Variants in SLC26A8 observed in about 807,000 individuals in gnomAD.
SLC26A8 encodes the protein testis anion transporter 1.
SLC26A8 carries 70 observed loss-of-function variants against 105.0 expected under a neutral mutation model. That is an observed-to-expected ratio of 0.67 (90% CI 0.55 to 0.81). The LOEUF is 0.81. SLC26A8 is among the 40% of genes least tolerant of loss of function. The pLI, the probability that SLC26A8 is intolerant of heterozygous loss-of-function variation, is 0.00. For synonymous variants in SLC26A8, 415 were observed against 438.3 expected, an observed-to-expected ratio of 0.95 and a Z score of 0.66; for missense variants, 998 against 1,181.8, an observed-to-expected ratio of 0.84 and a Z score of 2.28.
chr6:36,000,822 A>G (rs917712471), intron 3 of SLC26A8, among the ~76,000 whole-genome samples: 4 of 152,226 alleles, frequency 2.6e-5, no homozygotes, highest in African/African-American at 9.6e-5. Flanking sequence ...TTTATAAGAC[A>G]TTTCAAACAC....
intron 2 of SLC26A8, 97 bp downstream of exon 2, chr6:36,019,422 AG>A: frequency 7.9e-7 from 1 of 1,263,730 alleles, no homozygotes; most frequent in Non-Finnish European, 1.1e-6. Context: ...TTCTGATTAC[AG>A]GAACTCAGAC....
At chr6:35,980,948 G>A (rs144186276) in intron 8 of SLC26A8, among the ~76,000 whole-genome samples, 15 of 152,152 alleles carry the variant, frequency 9.9e-5, no homozygotes, top group African/African-American at 2.9e-4. Context: ...GGAGGTGGAG[G>A]TTGCAGTGAG....
rs567151093 is a variant in SLC26A8, at chr6:36,007,696, T to C, written c.328+4537A>G. ...AACCTTAAAACTCACTGTCAAGATA[T>C]GGTATTGGTAAAGGGATAGACACAT... On this transcript the variant is annotated intron_variant, in intron 3 of 19. Transcript: ENST00000490799. Among the ~76,000 whole-genome samples the C allele has an allele frequency of 2.2e-3, 332 of 152,264 alleles. 2 individuals carry two copies. Among genetic ancestry groups the C allele is most frequent in the Admixed American group, 4.8e-3 (73 of 15,282 alleles).
At chr6:35,976,231 C>T (rs1029218310) in intron 9 of SLC26A8, among the ~76,000 whole-genome samples, 3 of 151,886 alleles carry the variant, frequency 2.0e-5, no homozygotes, top group Non-Finnish European at 2.9e-5. Flanking sequence ...CGAGACCAGT[C>T]TGGCCAACGT....
intron 3 of SLC26A8, among the ~76,000 whole-genome samples, chr6:36,003,236 T>C (rs917956008): frequency 3.9e-5 from 6 of 152,224 alleles, no homozygotes; most frequent in African/African-American, 1.4e-4. Flanking sequence ...TTTTTGTGTA[T>C]GGTGTGAGGT....
intron 19 of SLC26A8, 104 bp downstream of exon 19, chr6:35,951,059 A>G (rs1771848253): frequency 2.7e-6 from 3 of 1,131,344 alleles, no homozygotes. Flanking sequence ...TTATTCCTCT[A>G]TCTGATCAGG....
chr6:35,962,971 C>G (rs908193391), intron 11 of SLC26A8, among the ~76,000 whole-genome samples: 5 of 152,034 alleles, frequency 3.3e-5, no homozygotes, highest in Admixed American at 1.3e-4. Context: ...CTAATTTTGT[C>G]TCTACATTTT....
chr6:35,997,525 T>A (rs1355592647), intron 5 of SLC26A8, among the ~76,000 whole-genome samples: 2 of 152,138 alleles, frequency 1.3e-5, no homozygotes, highest in African/African-American at 4.8e-5. Context: ...ATGTTTAATA[T>A]CTCATCCTAA....
chr6:35,952,027 C>T (rs773026262), intron 17 of SLC26A8, among the ~76,000 whole-genome samples: 4 of 152,224 alleles, frequency 2.6e-5, no homozygotes, highest in East Asian at 1.9e-4. Context: ...AGAATCAGAC[C>T]GTGTCATGTG....
chr6:35,954,522 G>A (rs1771983237), intron 17 of SLC26A8, among the ~76,000 whole-genome samples: 1 of 152,188 alleles, frequency 6.6e-6, no homozygotes, highest in South Asian at 2.1e-4. Context: ...CTCCCAGGAT[G>A]TTCTGGGAGT....
Position 35,980,760 on chromosome 6 carries a change from C to G in SLC26A8, c.1025+1361G>C, listed in dbSNP as rs1399115129. 2.0e-5 allele frequency among the ~76,000 whole-genome samples: 3 copies of G among 152,162 alleles called. No homozygotes were observed. In the East Asian group the frequency reaches 5.8e-4, roughly 29 times the overall value. On this transcript the variant is annotated intron_variant, in intron 8 of 19. Coordinates refer to ENST00000490799, the MANE Select transcript of SLC26A8 (RefSeq NM_052961.4). ...GGGTGTGGTGACTCACGCCTGTAAT[C>G]CCAGCACTTTGGGAGGTGGAGGTGG...
Position 35,968,339 on chromosome 6 carries a change from T to C in SLC26A8, c.1365+538A>G, listed in dbSNP as rs558452063. On this transcript the variant is annotated intron_variant, in intron 11 of 19. Coordinates refer to ENST00000490799, the MANE Select transcript of SLC26A8 (RefSeq NM_052961.4). Reference sequence around the variant, plus strand: ...TTTGTATTTTTGGTAGAGATGAGGTTTCTCCATGTTGGCCAGGCGGGTCTT... The same window carrying C: ...TTTGTATTTTTGGTAGAGATGAGGTCTCTCCATGTTGGCCAGGCGGGTCTT... Among the ~76,000 whole-genome samples the C allele has an allele frequency of 2.8e-4, 43 of 151,202 alleles. No homozygotes were observed. The South Asian group carries it at 8.8e-3, about 31-fold the overall frequency.
chr6:35,947,845 T>G (rs1219781673), intron 19 of SLC26A8, among the ~76,000 whole-genome samples: 1 of 152,142 alleles, frequency 6.6e-6, no homozygotes, highest in Non-Finnish European at 1.5e-5. Flanking sequence ...GTTGGAGGAT[T>G]GCTTGAGCCT....
intron 10 of SLC26A8, among the ~76,000 whole-genome samples, chr6:35,974,782 G>T (rs1400607021): frequency 2.0e-5 from 3 of 152,164 alleles, no homozygotes; most frequent in Non-Finnish European, 1.5e-5. Flanking sequence ...TGCCACCCAG[G>T]CTGGAGTGCA....
At chr6:35,968,609 G>GTATATATATATATA (rs55987809) in intron 11 of SLC26A8, among the ~76,000 whole-genome samples, 2 of 60,088 alleles carry the variant, frequency 3.3e-5, no homozygotes, top group African/African-American at 5.2e-5. Flanking sequence ...GTGTGTGTGT[G>GTATATATATATATA]TATATATATA....
Position 35,989,921 on chromosome 6 carries a change from T to G in SLC26A8, c.942+1738A>C. On this transcript the variant is annotated intron_variant, in intron 7 of 19. Transcript: ENST00000490799. ...TTTTTTTTTGTTTGTTTGTTTGTTT[T>G]CTTTTCTTTTTTTTTTTTTTTTTTT... The G allele has an allele frequency of 2.4e-5, 2 of 84,336 alleles. 1 individual carries two copies. The highest frequency in any genetic ancestry group is 3.0e-4 in the Admixed American group (2 of 6,752). The allele number at this position is 84,336 out of a possible 1,614,324, so 5.2% of individuals were successfully genotyped here.
intron 10 of SLC26A8, among the ~76,000 whole-genome samples, chr6:35,973,230 A>G (rs1017555972): frequency 2.1e-4 from 32 of 152,172 alleles, no homozygotes; most frequent in African/African-American, 6.8e-4. Context: ...CTCCATTTCC[A>G]TTTCTTCTTC....
chr6:35,955,060 T>A (rs769982220), intron 17 of SLC26A8, 92 bp downstream of exon 17: 2 of 1,501,812 alleles, frequency 1.3e-6, no homozygotes, highest in Non-Finnish European at 1.8e-6. Context: ...TAGCAGCTGA[T>A]CAGTGACTAA....
At chr6:35,961,770 T>G (rs372590991) in intron 12 of SLC26A8, among the ~76,000 whole-genome samples, 95 of 152,322 alleles carry the variant, frequency 6.2e-4, no homozygotes, top group African/African-American at 2.2e-3. Flanking sequence ...CTCATCACAT[T>G]CTATCCTCCA....
Sources: allele counts gnomAD v4.1 joint callset (sites outside exome capture counted in the v4.1 genomes callset), GRCh38; gene constraint gnomAD v4.1.1; transcripts MANE v1.5; gene names NCBI Gene and HGNC (gene_info 2026-07-23, HGNC 2026-07-21).